PPP2R2C: variants seen among roughly 807,000 people sequenced by gnomAD.
PPP2R2C encodes the protein protein phosphatase 2, regulatory subunit B, gamma.
In PPP2R2C, 10 loss-of-function variants were observed where a neutral mutation model predicts 45.3. The observed-to-expected ratio is 0.22, with a 90% CI of 0.14 to 0.37. The LOEUF (loss-of-function observed/expected upper bound fraction) is 0.37, where lower values mean the gene tolerates loss of function less well. Among genes scored for constraint, PPP2R2C ranks in the 10% least tolerant of loss-of-function variants. The probability of loss-of-function intolerance (pLI) is 1.00; values close to 1 mark genes in which losing one functional copy is unlikely to be tolerated. For synonymous variants in PPP2R2C, 257 were observed against 245.4 expected, an observed-to-expected ratio of 1.05 and a Z score of -0.44; for missense variants, 308 against 619.7, an observed-to-expected ratio of 0.50 and a Z score of 5.34.
intron 1 of PPP2R2C, among the ~76,000 whole-genome samples, chr4:6,553,492 G>A (rs1220006157): frequency 6.6e-6 from 1 of 152,280 alleles, no homozygotes; most frequent in East Asian, 1.9e-4. Flanking sequence ...TGAGGGAGAC[G>A]CCACTTCAGA....
chr4:6,500,000 T>C (rs1184884679), intron 2 of PPP2R2C, among the ~76,000 whole-genome samples: 1 of 152,234 alleles, frequency 6.6e-6, no homozygotes, highest in Admixed American at 6.5e-5. Flanking sequence ...TATTTCTGCC[T>C]GCTCCCACTA....
chr4:6,411,788 G>A (rs552309859), intron 1 of PPP2R2C, among the ~76,000 whole-genome samples: 20 of 152,000 alleles, frequency 1.3e-4, no homozygotes, highest in East Asian at 7.8e-4. Context: ...TCCTGACCTC[G>A]TGATCCGCCC....
intron 1 of PPP2R2C, among the ~76,000 whole-genome samples, chr4:6,554,042 G>C (rs1400954944): frequency 2.0e-5 from 3 of 152,192 alleles, no homozygotes; most frequent in Middle Eastern, 3.2e-3. Context: ...ATTAGTTCAA[G>C]GGGTTATCAG....
chr4:6,437,924 T>A (rs150699797), intron 1 of PPP2R2C, among the ~76,000 whole-genome samples: 63 of 152,298 alleles, frequency 4.1e-4, no homozygotes, highest in African/African-American at 1.3e-3. Context: ...AGGGAGGGGA[T>A]AGAAATATAT....
At position 6,378,528 on chromosome 4, in the gene PPP2R2C, G is replaced by A. The variant is rs1313837756; in HGVS notation, c.213C>T (p.Ser71=). Residue 71 remains serine, a synonymous_variant, in exon 3 of 9, where the codon AGC becomes AGT. Coordinates refer to ENST00000382599, the MANE Select transcript of PPP2R2C (RefSeq NM_020416.4). The surrounding 1 kb of genome is among the most constrained non-coding windows in gnomAD (Gnocchi z 5.2). ...PHSQGEYDVY[S]TFQSHEPEFD... is the part of the protein sequence containing the mutation. ...ACTCCGGCTCGTGGCTCTGGAAAGTGCTGTACACGTCGTATTCGCCCTGGC... is the reference window on the plus strand; with the variant it reads ...ACTCCGGCTCGTGGCTCTGGAAAGTACTGTACACGTCGTATTCGCCCTGGC... The A allele has an allele frequency of 5.0e-6, 8 of 1,614,156 alleles. No homozygotes were observed. Among genetic ancestry groups the A allele is most frequent in the South Asian group, 1.1e-5 (1 of 91,080 alleles).
At chr4:6,429,659 G>T (rs1272986550) in intron 1 of PPP2R2C, among the ~76,000 whole-genome samples, 2 of 152,136 alleles carry the variant, frequency 1.3e-5, no homozygotes, top group Admixed American at 1.3e-4. Context: ...TAATAAGAAA[G>T]CTCCGACAGG....
chr4:6,511,495 ATGG>A (rs1560593707), intron 2 of PPP2R2C, among the ~76,000 whole-genome samples: 12 of 22,068 alleles, frequency 5.4e-4, no homozygotes, highest in African/African-American at 2.5e-3. Flanking sequence ...GTTGGTGGTG[ATGG>A]CGGTGATGGT....
chr4:6,458,419 G>A (rs561363787), intron 1 of PPP2R2C, among the ~76,000 whole-genome samples: 3 of 152,222 alleles, frequency 2.0e-5, no homozygotes, highest in Non-Finnish European at 4.4e-5. Flanking sequence ...TTCTCGCTGC[G>A]TCCTCACATG....
intron 1 of PPP2R2C, among the ~76,000 whole-genome samples, chr4:6,542,959 C>T (rs1382901685): frequency 6.6e-6 from 1 of 152,180 alleles, no homozygotes; most frequent in African/African-American, 2.4e-5. Flanking sequence ...TGGAAGACAA[C>T]CCAACAGGAA....
rs1054440541 is a variant in PPP2R2C at position 6,392,678 on chromosome 4, C to T, written c.71-11584G>A. 2.0e-5 allele frequency among the ~76,000 whole-genome samples: 3 copies of T among 152,286 alleles called. No individual in the cohort carries two copies. The East Asian group carries it at 5.8e-4, about 29-fold the overall frequency. Reference sequence around the variant, plus strand: ...CAGAGCTCAGAGAGGTGGGCTGGGCCGGGGTCCTGCACCCAGCAGGCCGGG... The same window carrying T: ...CAGAGCTCAGAGAGGTGGGCTGGGCTGGGGTCCTGCACCCAGCAGGCCGGG... On this transcript the variant is annotated intron_variant, in intron 1 of 8. Transcript: ENST00000382599.
At chr4:6,562,018 G>T (rs1471064856) in intron 1 of PPP2R2C, among the ~76,000 whole-genome samples, 1 of 152,206 alleles carries the variant, frequency 6.6e-6, no homozygotes, top group Non-Finnish European at 1.5e-5. Context: ...AGGGGTGAGG[G>T]TATTCCCAGG....
chr4:6,481,812 C>G (rs934981991), intron 2 of PPP2R2C, among the ~76,000 whole-genome samples: 1 of 151,714 alleles, frequency 6.6e-6, no homozygotes, highest in Admixed American at 6.6e-5. Context: ...GACCCCATCT[C>G]TACTAAAAAT....
At chr4:6,403,032 A>T (rs1293800499) in intron 1 of PPP2R2C, among the ~76,000 whole-genome samples, 1 of 152,228 alleles carries the variant, frequency 6.6e-6, no homozygotes. Context: ...TAGTAAGACC[A>T]GGCGGCAGGA....
chr4:6,381,728 G>C, intron 1 of PPP2R2C: 6 of 1,580,380 alleles, frequency 3.8e-6, no homozygotes, highest in Non-Finnish European at 5.1e-6. Flanking sequence ...TCCCAACCAT[G>C]TTTCTTCAGG....
At chr4:6,400,667 T>C (rs1015861450) in intron 1 of PPP2R2C, among the ~76,000 whole-genome samples, 1 of 152,236 alleles carries the variant, frequency 6.6e-6, no homozygotes, top group Admixed American at 6.5e-5. Context: ...CGTCTATTGA[T>C]GTAAGCAACA....
At chr4:6,339,788 C>A (rs2109199269) in intron 6 of PPP2R2C, among the ~76,000 whole-genome samples, 1 of 152,256 alleles carries the variant, frequency 6.6e-6, no homozygotes, top group East Asian at 1.9e-4. Context: ...CCCCTGGCTA[C>A]CCTGGCCACG....
intron 2 of PPP2R2C, among the ~76,000 whole-genome samples, chr4:6,478,213 A>T (rs1185698016): frequency 6.6e-6 from 1 of 152,206 alleles, no homozygotes; most frequent in Non-Finnish European, 1.5e-5. Flanking sequence ...TGACTCTAGC[A>T]GCGGCTAGCA....
chr4:6,523,037 T>C, intron 2 of PPP2R2C, among the ~76,000 whole-genome samples: 1 of 152,192 alleles, frequency 6.6e-6, no homozygotes, highest in East Asian at 1.9e-4. Context: ...CAAGAAGTCA[T>C]ACGTCCTATG....
chr4:6,339,356 G>C (rs1733267049), intron 6 of PPP2R2C, among the ~76,000 whole-genome samples: 1 of 152,254 alleles, frequency 6.6e-6, no homozygotes, highest in South Asian at 2.1e-4. Context: ...CCTGAGCAGA[G>C]AGAAGCTTGT....
Sources: gnomAD v4.1 joint callset for allele counts (sites outside exome capture counted in the v4.1 genomes callset) on GRCh38, gnomAD v4.1.1 for gene constraint, Gnocchi (gnomAD v3.1) non-coding constraint, MANE v1.5 for transcripts, NCBI Gene and HGNC (gene_info 2026-07-23, HGNC 2026-07-21) for gene names.